MIB1: variants seen among roughly 807,000 people sequenced by gnomAD.
MIB1 encodes the protein MIB E3 ubiquitin protein ligase 1, also known as E3 ubiquitin-protein ligase MIB1.
In MIB1, 278 loss-of-function variants were observed where a neutral mutation model predicts 124.5. The observed-to-expected ratio is 2.23, with a 90% confidence interval of 2.02 to 2.47. The LOEUF (loss-of-function observed/expected upper bound fraction) is 2.47. Among genes scored for constraint, MIB1 ranks in the 30% most tolerant of loss-of-function variants. The pLI, the probability that MIB1 is intolerant of heterozygous loss-of-function variation, is 0.00. For synonymous variants in MIB1, 446 were observed against 429.4 expected (o/e 1.04, Z -0.48); for missense variants, 957 against 1,254.4 (o/e 0.76, Z 3.58).
At chr18:21,706,346 GGTGACAAC>G (rs958837228) in intron 1 of MIB1, among the ~76,000 whole-genome samples, 2 of 152,182 alleles carry the variant, frequency 1.3e-5, no homozygotes, top group Admixed American at 6.5e-5. Context: ...GCTGGTGAGA[GGTGACAAC>G]GTGCTAGCAG....
chr18:21,826,046 A>G (rs190889186), intron 12 of MIB1: 39 of 238,172 alleles, frequency 1.6e-4, no homozygotes, highest in East Asian at 1.6e-3. Context: ...TCTTTTTCTA[A>G]TCTTGTCCAC....
In MIB1 at chr18:21,864,543, T is replaced by C; in HGVS notation, c.2898T>C (p.Cys966=). Residue 966 remains cysteine, a synonymous_variant, in exon 21 of 21, where the codon TGT becomes TGC. Coordinates refer to ENST00000261537, the MANE Select transcript of MIB1 (RefSeq NM_020774.4). ...CATTACAGACAATGTGCCCTGTGTGTCTAGATCGTCTGAAGAATATGATTT... is the reference window on the plus strand; with the variant it reads ...CATTACAGACAATGTGCCCTGTGTGCCTAGATCGTCTGAAGAATATGATTT... ...DIKEQTMCPV[C]LDRLKNMIFL... is the part of the protein sequence containing the mutation. 6.2e-7 allele frequency: 1 copy of C among 1,613,224 alleles called. No individual in the cohort carries two copies. The highest frequency in any genetic ancestry group is 8.5e-7 in the Non-Finnish European group (1 of 1,179,214).
At chr18:21,739,288 A>C (rs925646360), upstream of MIB1, among the ~76,000 whole-genome samples, 17 of 152,204 alleles carry the variant, frequency 1.1e-4, no homozygotes, top group South Asian at 2.1e-4. Flanking sequence ...AATTGAGGCA[A>C]TAAGTAATAG....
chr18:21,757,122 G>A (rs1568188559), intron 1 of MIB1, among the ~76,000 whole-genome samples: 1 of 151,944 alleles, frequency 6.6e-6, no homozygotes, highest in Non-Finnish European at 1.5e-5. Flanking sequence ...AGTAGATGGT[G>A]TGGTGGTCAA....
chr18:21,819,455 A>G, intron 11 of MIB1, 40 bp from the exon 12 acceptor site: 1 of 1,328,688 alleles, frequency 7.5e-7, no homozygotes, highest in Non-Finnish European at 1.1e-6. Context: ...AGATGGGATA[A>G]TTAATTGAAG....
At chr18:21,739,011 A>G (rs1598584371), upstream of MIB1, among the ~76,000 whole-genome samples, 1 of 151,882 alleles carries the variant, frequency 6.6e-6, no homozygotes, top group South Asian at 2.1e-4. Context: ...TGTTTTTTTG[A>G]AAAAGATCAA....
chr18:21,798,337 C>T, intron 8 of MIB1, 109 bp downstream of exon 8: 1 of 1,124,042 alleles, frequency 8.9e-7, no homozygotes. Flanking sequence ...TTGGCTTTGT[C>T]CCAGATTACA....
chr18:21,851,035 A>G (rs556621768), intron 17 of MIB1, among the ~76,000 whole-genome samples: 4 of 152,302 alleles, frequency 2.6e-5, no homozygotes, highest in Non-Finnish European at 1.5e-5. Flanking sequence ...TATGACTTAT[A>G]TATAAGCAAC....
At chr18:21,740,715 G>A (rs3017044), upstream of MIB1, among the ~76,000 whole-genome samples, 10,396 of 152,286 alleles carry the variant, frequency 0.068, 749 homozygotes, top group African/African-American at 0.18. Context: ...CCGCCCCTGG[G>A]CCCGCCCCTC....
intron 1 of MIB1, among the ~76,000 whole-genome samples, chr18:21,723,092 T>C (rs2040722648): frequency 6.6e-6 from 1 of 152,224 alleles, no homozygotes. Flanking sequence ...CTATCCAATC[T>C]TTTATTTATA....
At chr18:21,856,247 C>CAAAAAAA (rs1598644988) in intron 18 of MIB1, among the ~76,000 whole-genome samples, 2 of 89,054 alleles carry the variant, frequency 2.2e-5, no homozygotes. Flanking sequence ...AAAAAAAAAA[C>CAAAAAAA]AAAAAACAAA....
chr18:21,864,414 C>T, intron 20 of MIB1, 112 bp from the exon 21 acceptor site: 3 of 851,948 alleles, frequency 3.5e-6, no homozygotes, highest in South Asian at 2.2e-5. Flanking sequence ...TTTTAAAAAC[C>T]ACCAAAATAT....
intron 6 of MIB1, among the ~76,000 whole-genome samples, chr18:21,785,305 A>T (rs1192764747): frequency 6.6e-6 from 1 of 151,844 alleles, no homozygotes; most frequent in African/African-American, 2.4e-5. Context: ...TGGTAGTGGT[A>T]CCCCAAGCCC....
At chr18:21,761,178 A>G (rs1029877972) in intron 1 of MIB1, among the ~76,000 whole-genome samples, 6 of 152,010 alleles carry the variant, frequency 3.9e-5, no homozygotes, top group Admixed American at 3.3e-4. Flanking sequence ...CACAAATACC[A>G]AAAGTTTACA....
intron 4 of MIB1, among the ~76,000 whole-genome samples, chr18:21,777,898 A>G (rs2041309737): frequency 1.3e-5 from 2 of 152,218 alleles, no homozygotes; most frequent in South Asian, 4.1e-4. Context: ...AAGAATGCTG[A>G]AAGTAAATAA....
rs34277676 is a variant in MIB1 at position 21,721,159 on chromosome 18, GTTTTTTTTTTTTTTTTTTTTTTTTTT to G, written n.167+16050_167+16075del. ...TGAAAGATTTAAACATTTTAAAGAA[GTTTTTTTTTTTTTTTTTTTTTTTTTT>G]TTTTTTTTTTTTTGAGACAGAGTCT... is the stretch of plus-strand genomic sequence containing the variant. On this transcript the variant is annotated intron_variant and non_coding_transcript_variant, in intron 1 of 20. Coordinates refer to the MIB1 transcript ENST00000578646. 1.7e-4 allele frequency among the ~76,000 whole-genome samples: 5 copies of G among 29,758 alleles called. 1 individual carries two copies. Among genetic ancestry groups the G allele is most frequent in the South Asian group, 1.8e-3 (1 of 548 alleles). 19.5% of individuals were successfully genotyped at this position (29,758 alleles called of 152,430 possible). A position where few individuals can be genotyped will look rare whatever the true frequency, so the allele number is the denominator to read the frequency against.
At position 21,817,915 on chromosome 18, in the gene MIB1, G is replaced by A. The variant is rs11878028; in HGVS notation, c.1678-1580G>A. ...ATATGCTGTAGGCCAGGTTGTATAT[G>A]ACTTTACTGAGAATAGCATCTGTTC... On this transcript the variant is annotated intron_variant, in intron 11 of 20. Transcript: ENST00000261537. 1,202 of 185,238 alleles carry A rather than the reference G, an allele frequency of 6.5e-3. 16 individuals carry two copies. The highest frequency in any genetic ancestry group is 0.027 in the African/African-American group (1,132 of 42,538). 11.5% of individuals were successfully genotyped at this position (185,238 alleles called of 1,614,324 possible).
At chr18:21,837,453 A>G (rs1274452543) in intron 12 of MIB1, among the ~76,000 whole-genome samples, 1 of 152,222 alleles carries the variant, frequency 6.6e-6, no homozygotes, top group Admixed American at 6.5e-5. Flanking sequence ...GCTTGCAGTG[A>G]GCTGAGATCG....
intron 12 of MIB1, among the ~76,000 whole-genome samples, chr18:21,823,355 C>T (rs1041515881): frequency 1.3e-5 from 2 of 149,992 alleles, no homozygotes; most frequent in African/African-American, 2.5e-5. Flanking sequence ...GAGGTATGAT[C>T]GTGCCACTGC....
Sources: gnomAD v4.1 joint callset for allele counts (sites outside exome capture counted in the v4.1 genomes callset) on GRCh38, gnomAD v4.1.1 for gene constraint, MANE v1.5 for transcripts, NCBI Gene and HGNC (gene_info 2026-07-23, HGNC 2026-07-21) for gene names.